PTPRD: variants seen among roughly 807,000 people sequenced by gnomAD.
PTPRD encodes receptor-type tyrosine-protein phosphatase delta.
In PTPRD, 34 loss-of-function variants were observed where a neutral mutation model predicts 214.5. The observed-to-expected ratio is 0.16, with a 90% CI of 0.12 to 0.21. The LOEUF is 0.21. Among genes scored for constraint, PTPRD ranks in the 10% least tolerant of loss-of-function variants. The pLI is 1.00. For synonymous variants in PTPRD, 1,128 were observed against 845.7 expected (o/e 1.33, Z -5.79); for missense variants, 2,545 against 2,398.7 (o/e 1.06, Z -1.27).
At chr9:8,856,375 G>C (rs72704330) in intron 11 of PTPRD, among the ~76,000 whole-genome samples, 7 of 152,004 alleles carry the variant, frequency 4.6e-5, no homozygotes, top group African/African-American at 1.7e-4. Context: ...ATGCGCTACA[G>C]GATGGTTAGA....
intron 12 of PTPRD, among the ~76,000 whole-genome samples, chr9:8,688,275 G>A (rs1032532461): frequency 2.0e-5 from 3 of 152,076 alleles, no homozygotes; most frequent in Admixed American, 2.0e-4. Flanking sequence ...GGTTCAAAAA[G>A]GAAAAATATA....
intron 2 of PTPRD, among the ~76,000 whole-genome samples, chr9:10,584,218 T>G (rs1216781665): frequency 6.6e-6 from 1 of 152,006 alleles, no homozygotes; most frequent in Non-Finnish European, 1.5e-5. Flanking sequence ...AGAAAGGCTC[T>G]TATCTCTTTC....
intron 10 of PTPRD, among the ~76,000 whole-genome samples, chr9:9,116,236 A>G (rs968597231): frequency 2.0e-5 from 3 of 152,180 alleles, no homozygotes; most frequent in African/African-American, 7.2e-5. Flanking sequence ...AAAAAATAAG[A>G]AAATGTGGTG....
At chr9:9,160,502 G>A (rs1298383410) in intron 10 of PTPRD, among the ~76,000 whole-genome samples, 1 of 152,136 alleles carries the variant, frequency 6.6e-6, no homozygotes, top group Non-Finnish European at 1.5e-5. Flanking sequence ...ACACCTGTTA[G>A]AATGGCTTCT....
chr9:10,206,535 G>A (rs2099481387), intron 3 of PTPRD, among the ~76,000 whole-genome samples: 1 of 152,144 alleles, frequency 6.6e-6, no homozygotes, highest in Admixed American at 6.5e-5. Flanking sequence ...TAATAACTTT[G>A]AAAAACTACT....
chr9:8,624,915 T>C (rs2095965995), intron 14 of PTPRD, among the ~76,000 whole-genome samples: 2 of 151,968 alleles, frequency 1.3e-5, no homozygotes, highest in East Asian at 3.9e-4. Flanking sequence ...ATTTTGTTCA[T>C]TATATGTAAA....
Position 10,607,313 on chromosome 9 carries a change from C to G in PTPRD, c.-600+5085G>C, listed in dbSNP as rs149803904. On this transcript the variant is annotated intron_variant, in intron 2 of 45. Coordinates refer to ENST00000381196, the MANE Select transcript of PTPRD (RefSeq NM_002839.4). ...GTATTGTTGAACTTTGATTTAAGAA[C>G]TAATTAGAGAGCAATTTGTTATGTT... 1.3e-3 allele frequency among the ~76,000 whole-genome samples: 190 copies of G among 151,924 alleles called. 1 individual carries two copies. The highest frequency in any genetic ancestry group is 3.5e-3 in the Admixed American group (53 of 15,226).
chr9:10,113,855 T>A (rs2098710330), intron 3 of PTPRD, among the ~76,000 whole-genome samples: 1 of 152,186 alleles, frequency 6.6e-6, no homozygotes, highest in South Asian at 2.1e-4. Context: ...TGGGCCACAT[T>A]TTGATTAGCA....
At chr9:9,883,299 T>G (rs1317654790) in intron 5 of PTPRD, among the ~76,000 whole-genome samples, 3 of 152,174 alleles carry the variant, frequency 2.0e-5, no homozygotes, top group African/African-American at 7.2e-5. Context: ...TCCTCTTCAT[T>G]GATAGTCACT....
intron 4 of PTPRD, among the ~76,000 whole-genome samples, chr9:9,983,256 C>T (rs2095604977): frequency 1.3e-5 from 2 of 152,170 alleles, no homozygotes; most frequent in East Asian, 1.9e-4. Context: ...GTGGCAGTAG[C>T]AGCCTCCTTG....
chr9:9,302,599 T>TCC (rs1237376120), intron 9 of PTPRD, among the ~76,000 whole-genome samples: 1 of 68,620 alleles, frequency 1.5e-5, no homozygotes, highest in Non-Finnish European at 2.9e-5. Context: ...AGTTTTTTTT[T>TCC]TCTTTTTTTT....
intron 8 of PTPRD, among the ~76,000 whole-genome samples, chr9:9,466,258 G>C (rs1393485749): frequency 1.3e-5 from 2 of 152,088 alleles, no homozygotes; most frequent in South Asian, 4.1e-4. Context: ...GCAGTGAGCT[G>C]TGATTGTGTC....
intron 10 of PTPRD, among the ~76,000 whole-genome samples, chr9:9,159,652 A>T (rs908011079): frequency 1.3e-5 from 2 of 152,194 alleles, no homozygotes; most frequent in African/African-American, 2.4e-5. Flanking sequence ...CGACAGGTTG[A>T]ATACAATCCC....
chr9:9,748,364 G>C (rs141364660), intron 6 of PTPRD, among the ~76,000 whole-genome samples: 1 of 152,298 alleles, frequency 6.6e-6, no homozygotes, highest in African/African-American at 2.4e-5. Flanking sequence ...ATCCATAGAA[G>C]TGTTTAATAA....
rs559274960 is a variant in PTPRD, at chr9:8,923,236, T to A, written c.-104+95461A>T. Among the ~76,000 whole-genome samples, 265 of 151,786 alleles carry A rather than the reference T, an allele frequency of 1.7e-3. 2 individuals are homozygous for A. The highest frequency in any genetic ancestry group is 3.2e-3 in the Non-Finnish European group (216 of 67,940). On this transcript the variant is annotated intron_variant, in intron 11 of 45. Coordinates refer to ENST00000381196, the MANE Select transcript of PTPRD (RefSeq NM_002839.4). ...TTTGTATTTTTAGTAGAGACAGGGTTTCACCATGTTGGCCAGGCTGGTCTC... is the reference window on the plus strand; with the variant it reads ...TTTGTATTTTTAGTAGAGACAGGGTATCACCATGTTGGCCAGGCTGGTCTC...
chr9:8,429,200 T>C (rs1188460193), intron 35 of PTPRD, among the ~76,000 whole-genome samples: 2 of 152,158 alleles, frequency 1.3e-5, no homozygotes, highest in Non-Finnish European at 2.9e-5. Flanking sequence ...CAGGGCATAG[T>C]AAGAAATAAA....
At chr9:8,352,320 C>A (rs1478574098) in intron 39 of PTPRD, among the ~76,000 whole-genome samples, 2 of 152,174 alleles carry the variant, frequency 1.3e-5, no homozygotes, top group Non-Finnish European at 2.9e-5. Flanking sequence ...GCAGACTCAG[C>A]TGGCTCTGAT....
chr9:8,320,089 G>T, intron 44 of PTPRD, 123 bp from the exon 45 acceptor site: 1 of 1,194,092 alleles, frequency 8.4e-7, no homozygotes, highest in Non-Finnish European at 1.1e-6. Context: ...CCATATTCAG[G>T]AAAACATGGT....
intron 2 of PTPRD, among the ~76,000 whole-genome samples, chr9:10,526,124 T>G (rs2054212216): frequency 6.6e-6 from 1 of 152,074 alleles, no homozygotes; most frequent in South Asian, 2.1e-4. Flanking sequence ...AAAAACACTG[T>G]TCTAAGATAT....
Sources: gnomAD v4.1 joint callset for allele counts (sites outside exome capture counted in the v4.1 genomes callset) on GRCh38, gnomAD v4.1.1 for gene constraint, MANE v1.5 for transcripts, NCBI Gene and HGNC (gene_info 2026-07-23, HGNC 2026-07-21) for gene names.